The following ZNF385D variants were observed in gnomAD, a reference collection of about 807,000 sequenced individuals.
ZNF385D encodes the protein zinc finger protein 385D, also known as zinc finger protein 659.
Under a neutral mutation model 35.8 loss-of-function variants are expected in ZNF385D, and 15 were observed. That is an observed-to-expected ratio of 0.42 (90% CI 0.28 to 0.64). The LOEUF is 0.64. Ranked by LOEUF, ZNF385D falls within the 30% of genes least tolerant of loss-of-function variation. ZNF385D has a pLI of 0.23. For missense variants in ZNF385D, 474 were observed against 494.6 expected, an observed-to-expected ratio of 0.96 and a Z score of 0.39; for synonymous variants, 212 against 186.8, an observed-to-expected ratio of 1.13 and a Z score of -1.10.
intron 3 of ZNF385D, among the ~76,000 whole-genome samples, chr3:21,547,240 A>G (rs2062405641): frequency 1.3e-5 from 2 of 152,184 alleles, no homozygotes; most frequent in Non-Finnish European, 2.9e-5. Context: ...GATTGGGCTC[A>G]GGAGAAGGGA....
At chr3:22,061,880 G>C (rs922033563) in intron 3 of ZNF385D, among the ~76,000 whole-genome samples, 1 of 152,090 alleles carries the variant, frequency 6.6e-6, no homozygotes, top group Non-Finnish European at 1.5e-5. Flanking sequence ...TGCCACTAAA[G>C]TGTAAGATGT....
In ZNF385D at chr3:21,423,944, C is replaced by G. The variant is rs1247205341; in HGVS notation, c.954+19G>C. On this transcript the variant is annotated intron_variant, in intron 7 of 7. Coordinates refer to ENST00000281523, the MANE Select transcript of ZNF385D (RefSeq NM_024697.3). ...TCCATTTGGGAATAGAGGCTGGACT[C>G]TTGCAAAATGACACTCACCCCCAGT... 1.2e-6 allele frequency: 2 copies of G among 1,602,468 alleles called. No individual in the cohort carries two copies. The highest frequency in any genetic ancestry group is 1.1e-5 in the South Asian group (1 of 89,108).
intron 3 of ZNF385D, among the ~76,000 whole-genome samples, chr3:22,008,118 T>C (rs1416255257): frequency 1.3e-5 from 2 of 152,078 alleles, no homozygotes; most frequent in Admixed American, 6.5e-5. Context: ...GACCCTTTAT[T>C]ATTATTTTTT....
At chr3:21,548,718 CTGA>C (rs1487599694) in intron 3 of ZNF385D, among the ~76,000 whole-genome samples, 3 of 152,138 alleles carry the variant, frequency 2.0e-5, no homozygotes, top group African/African-American at 7.2e-5. Context: ...ACTTAAGTGA[CTGA>C]TGGTCTTAGT....
intron 3 of ZNF385D, among the ~76,000 whole-genome samples, chr3:21,798,729 G>A (rs1267238066): frequency 2.0e-5 from 3 of 152,122 alleles, no homozygotes; most frequent in Non-Finnish European, 2.9e-5. Context: ...AGGGGGAGCT[G>A]ATCATATAAA....
intron 3 of ZNF385D, among the ~76,000 whole-genome samples, chr3:21,858,561 A>G (rs1696865460): frequency 6.6e-6 from 1 of 151,288 alleles, no homozygotes; most frequent in Non-Finnish European, 1.5e-5. Context: ...CACCCTGTAA[A>G]GACACAGTGA....
intron 4 of ZNF385D, among the ~76,000 whole-genome samples, chr3:21,458,336 A>G: frequency 6.6e-6 from 1 of 150,574 alleles, no homozygotes; most frequent in East Asian, 2.0e-4. Flanking sequence ...AAAGCAAATT[A>G]TCCAGGTATA....
chr3:22,129,222 C>G (rs1281095267), intron 3 of ZNF385D, among the ~76,000 whole-genome samples: 5 of 152,148 alleles, frequency 3.3e-5, no homozygotes, highest in Non-Finnish European at 5.9e-5. Flanking sequence ...CTACCTAGAG[C>G]TGGAGGAGTG....
At chr3:21,830,376 A>C (rs1694912511) in intron 3 of ZNF385D, among the ~76,000 whole-genome samples, 1 of 152,192 alleles carries the variant, frequency 6.6e-6, no homozygotes. Context: ...TTATGTTACC[A>C]GTGTTGACAT....
At chr3:21,774,818 T>G (rs1042957650) in intron 3 of ZNF385D, among the ~76,000 whole-genome samples, 1 of 151,884 alleles carries the variant, frequency 6.6e-6, no homozygotes, top group Non-Finnish European at 1.5e-5. Flanking sequence ...AGGGGAAAAG[T>G]TAACAAATTT....
intron 2 of ZNF385D, among the ~76,000 whole-genome samples, chr3:21,584,950 C>G (rs889531855): frequency 6.6e-6 from 1 of 152,176 alleles, no homozygotes; most frequent in East Asian, 1.9e-4. Flanking sequence ...TCTTTTGCAG[C>G]TATATTTCCT....
At chr3:22,329,209 T>C (rs1424156549) in intron 2 of ZNF385D, among the ~76,000 whole-genome samples, 2 of 152,206 alleles carry the variant, frequency 1.3e-5, no homozygotes, top group African/African-American at 4.8e-5. Context: ...ATAAGCCTCT[T>C]AGTGATGATC....
At chr3:21,995,548 G>T (rs775908716) in intron 3 of ZNF385D, among the ~76,000 whole-genome samples, 1 of 152,078 alleles carries the variant, frequency 6.6e-6, no homozygotes, top group Non-Finnish European at 1.5e-5. Flanking sequence ...GTCGCTGGAT[G>T]ATGTGCATGA....
At chr3:21,473,742 G>A (rs1355023767) in intron 4 of ZNF385D, among the ~76,000 whole-genome samples, 1 of 152,122 alleles carries the variant, frequency 6.6e-6, no homozygotes, top group Middle Eastern at 3.4e-3. Flanking sequence ...TCCCTTGAAT[G>A]GGCTGAACGT....
chr3:22,343,455 G>A (rs1342077987), intron 2 of ZNF385D, among the ~76,000 whole-genome samples: 1 of 152,230 alleles, frequency 6.6e-6, no homozygotes, highest in African/African-American at 2.4e-5. Flanking sequence ...GGATACACAG[G>A]AACAACTATG....
intron 3 of ZNF385D, among the ~76,000 whole-genome samples, chr3:22,123,922 A>ATCTC (rs34781505): frequency 0.024 from 1,900 of 80,128 alleles, 61 homozygotes; most frequent in African/African-American, 0.033. Flanking sequence ...GCTAGACTCC[A>ATCTC]TCTCTCTCTC....
At chr3:21,919,822 T>C (rs1700366051) in intron 3 of ZNF385D, among the ~76,000 whole-genome samples, 2 of 152,230 alleles carry the variant, frequency 1.3e-5, no homozygotes, top group African/African-American at 4.8e-5. Flanking sequence ...TATTATTAAG[T>C]ACAAAATGTA....
chr3:21,678,418 A>G (rs2066795324), intron 1 of ZNF385D, among the ~76,000 whole-genome samples: 3 of 151,926 alleles, frequency 2.0e-5, no homozygotes, highest in Admixed American at 2.0e-4. Flanking sequence ...AGAATATACA[A>G]CTCCCTCACA....
intron 2 of ZNF385D, among the ~76,000 whole-genome samples, chr3:22,169,499 A>G (rs1706546262): frequency 6.6e-6 from 1 of 152,190 alleles, no homozygotes; most frequent in African/African-American, 2.4e-5. Context: ...AATTCAACTA[A>G]ATAAAGTTCT....
Sources: allele counts gnomAD v4.1 joint callset (sites outside exome capture counted in the v4.1 genomes callset), GRCh38; gene constraint gnomAD v4.1.1; transcripts MANE v1.5; gene names NCBI Gene and HGNC (gene_info 2026-07-23, HGNC 2026-07-21).